The following TARDBP variants were observed in gnomAD, a reference collection of about 807,000 sequenced individuals.
TARDBP encodes TAR DNA binding protein.
In TARDBP, 4 loss-of-function variants were observed where a neutral mutation model predicts 38.3. The observed-to-expected ratio is 0.10, with a 90% CI of 0.05 to 0.24. The LOEUF is 0.24. Ranked by LOEUF, TARDBP falls within the 10% of genes least tolerant of loss-of-function variation. The pLI, the probability that TARDBP is intolerant of heterozygous loss-of-function variation, is 1.00. For missense variants in TARDBP, 202 were observed against 521.9 expected, an observed-to-expected ratio of 0.39 and a Z score of 5.97; for synonymous variants, 184 against 183.8, an observed-to-expected ratio of 1.00 and a Z score of -0.01.
chr1:11,019,017 T>C, intron 4 of TARDBP, 144 bp downstream of exon 4: 1 of 1,070,734 alleles, frequency 9.3e-7, no homozygotes, highest in Non-Finnish European at 1.4e-6. Flanking sequence ...TGGCCCTTAG[T>C]GCATGCTGAA....
chr1:11,018,673 T>A, intron 3 of TARDBP, 60 bp from the exon 4 acceptor site: 1 of 1,611,344 alleles, frequency 6.2e-7, no homozygotes, highest in Non-Finnish European at 8.5e-7. Flanking sequence ...GAACTATGAT[T>A]TGGGAATGGA....
intron 2 of TARDBP, 30 bp from the exon 3 acceptor site, chr1:11,016,814 T>A: frequency 6.2e-7 from 1 of 1,611,596 alleles, no homozygotes; most frequent in East Asian, 2.2e-5. Context: ...AAGTGAAGAT[T>A]TCTAAAAGGT....
chr1:11,014,044 T>C (rs1643467442), intron 2 of TARDBP, 79 bp downstream of exon 2: 1 of 1,419,170 alleles, frequency 7.0e-7, no homozygotes, highest in Non-Finnish European at 1.0e-6. Flanking sequence ...TAGCCTCTTT[T>C]GGTGGCAGAA....
chr1:11,014,105 G>C, intron 2 of TARDBP, 140 bp downstream of exon 2: 1 of 860,948 alleles, frequency 1.2e-6, no homozygotes, highest in Non-Finnish European at 2.0e-6. Flanking sequence ...AGACAAGTTT[G>C]GAAGACCACG....
At chr1:11,020,274 A>G (rs1344258633) in intron 4 of TARDBP, among the ~76,000 whole-genome samples, 155 bp from the exon 5 acceptor site, 1 of 152,236 alleles carries the variant, frequency 6.6e-6, no homozygotes, top group Non-Finnish European at 1.5e-5. Flanking sequence ...CTTACAAGAA[A>G]AAGAAATGCT....
chr1:11,020,949 C>G (rs1043009276), intron 5 of TARDBP, among the ~76,000 whole-genome samples: 2 of 152,054 alleles, frequency 1.3e-5, no homozygotes, highest in Non-Finnish European at 2.9e-5. Flanking sequence ...TAGGTAATTT[C>G]TCTTGAACAT....
chr1:11,021,850 C>T (rs903639063), intron 5 of TARDBP, among the ~76,000 whole-genome samples: 2 of 152,140 alleles, frequency 1.3e-5, no homozygotes, highest in African/African-American at 4.8e-5. Flanking sequence ...CTATTGGCCT[C>T]ACACAGTCCT....
rs1348118003 is a variant in TARDBP, at chr1:11,024,220, T to G, written c.*1566T>G. On this transcript the variant is annotated 3_prime_UTR_variant, in exon 6 of 6. Coordinates refer to ENST00000240185, the MANE Select transcript of TARDBP (RefSeq NM_007375.4). ...AATGGATTCATCACCTGTCATGCAT[T>G]GACACCTGATACCCAGACTTAATTG... is the stretch of plus-strand genomic sequence containing the variant. 1 of 152,636 alleles carries G rather than the reference T, an allele frequency of 6.6e-6. No homozygotes were observed. The highest frequency in any genetic ancestry group is 1.5e-5 in the Non-Finnish European group (1 of 68,040). The allele number at this position is 152,636 out of a possible 1,614,324, so 9.5% of individuals were successfully genotyped here.
At chr1:11,018,426 C>G in intron 3 of TARDBP, 1 of 395,564 alleles carries the variant, frequency 2.5e-6, no homozygotes, top group East Asian at 5.9e-5. Flanking sequence ...TGTGCTCAAG[C>G]GATCCACCCT....
Position 11,019,086 on chromosome 1 carries a change from A to G in TARDBP, c.543+213A>G, listed in dbSNP as rs573879404. 70 of 629,950 alleles carry G rather than the reference A, an allele frequency of 1.1e-4. No homozygotes were observed. The East Asian group carries it at 2.0e-3, about 18-fold the overall frequency. The allele number at this position is 629,950 out of a possible 1,614,324, so 39.0% of individuals were successfully genotyped here. ...ACTTCTCCAAACTAAACCTTTGTTC[A>G]TTTTGTTCTTCCTTTTCGCTATGGA... On this transcript the variant is annotated intron_variant, in intron 4 of 5. Coordinates refer to ENST00000240185, the MANE Select transcript of TARDBP (RefSeq NM_007375.4).
At chr1:11,014,596 A>G (rs111604516) in intron 2 of TARDBP, among the ~76,000 whole-genome samples, 76 of 152,320 alleles carry the variant, frequency 5.0e-4, no homozygotes, top group African/African-American at 1.7e-3. Flanking sequence ...GTATTGCAAC[A>G]AAGTCCATCA....
At chr1:11,017,628 C>T (rs949668768) in intron 3 of TARDBP, among the ~76,000 whole-genome samples, 7 of 152,172 alleles carry the variant, frequency 4.6e-5, no homozygotes, top group Non-Finnish European at 8.8e-5. Context: ...CCTACTGTTG[C>T]ATGAAGGCTT....
intron 3 of TARDBP, 140 bp from the exon 4 acceptor site, chr1:11,018,593 T>A: frequency 9.0e-7 from 1 of 1,109,754 alleles, no homozygotes. Flanking sequence ...TTGTTTTTAC[T>A]GTTAAGACTA....
At chr1:11,013,072 G>T (rs1485371913) in intron 1 of TARDBP, among the ~76,000 whole-genome samples, 2 of 152,318 alleles carry the variant, frequency 1.3e-5, no homozygotes, top group Middle Eastern at 3.4e-3. Context: ...GCCCCACCCC[G>T]GGCCGCGCCG....
At chr1:11,017,138 C>G in intron 3 of TARDBP, 131 bp downstream of exon 3, 1 of 968,758 alleles carries the variant, frequency 1.0e-6, no homozygotes, top group Non-Finnish European at 1.6e-6. Flanking sequence ...TGGGCCCATA[C>G]TGTCCTCCTG....
chr1:11,026,098 AT>A (rs1285009530), downstream of TARDBP: 1 of 154,804 alleles, frequency 6.5e-6, no homozygotes, highest in Non-Finnish European at 1.5e-5. Context: ...GAATTTGAAC[AT>A]TATTCAGGTT....
rs188129567 is a variant in TARDBP, at chr1:11,024,569, T to C, written c.*1915T>C. 2 of 152,722 alleles carry C rather than the reference T, an allele frequency of 1.3e-5. No individual in the cohort carries two copies. Among genetic ancestry groups the C allele is most frequent in the African/African-American group, 4.8e-5 (2 of 41,554 alleles). 9.5% of individuals were successfully genotyped at this position (152,722 alleles called of 1,614,324 possible). ...ATTTGAAAAGTGGAATTAATTGCAGTAGGGATAAAGTAGAAGAAACCACAA... is the reference window on the plus strand; with the variant it reads ...ATTTGAAAAGTGGAATTAATTGCAGCAGGGATAAAGTAGAAGAAACCACAA... On this transcript the variant is annotated 3_prime_UTR_variant, in exon 6 of 6. Coordinates refer to ENST00000240185, the MANE Select transcript of TARDBP (RefSeq NM_007375.4).
chr1:11,023,017 A>G lies in TARDBP; in HGVS notation c.*363A>G. 7.0e-7 allele frequency: 1 copy of G among 1,426,284 alleles called. No individual in the cohort carries two copies. The highest frequency in any genetic ancestry group is 9.2e-7 in the Non-Finnish European group (1 of 1,088,004). The allele number at this position is 1,426,284 out of a possible 1,614,324, so 88.4% of individuals were successfully genotyped here. A position where few individuals can be genotyped will look rare whatever the true frequency, so the allele number is the denominator to read the frequency against. The stretch of plus-strand genomic sequence containing the variant: ...AAAACGGAAACCATTGATTAGAACT[A>G]CATTCTTTACCCCTTGTTTTAATTT... On this transcript the variant is annotated 3_prime_UTR_variant, in exon 6 of 6. Transcript: ENST00000240185.
rs1251474943 is a variant in TARDBP at position 11,025,017 on chromosome 1, T to C, written c.*2363T>C. On this transcript the variant is annotated 3_prime_UTR_variant, in exon 6 of 6. Coordinates refer to ENST00000240185, the MANE Select transcript of TARDBP (RefSeq NM_007375.4). ...CATTGTTTCATTATTCAGTTTCCTC[T>C]GTAAAGGGATCTTGAGTTGTTTTAA... is the stretch of plus-strand genomic sequence containing the variant. 1 of 152,670 alleles carries C rather than the reference T, an allele frequency of 6.6e-6. No individual in the cohort carries two copies. The highest frequency in any genetic ancestry group is 1.5e-5 in the Non-Finnish European group (1 of 68,044). The allele number at this position is 152,670 out of a possible 1,614,324, so 9.5% of individuals were successfully genotyped here.
Sources: gnomAD v4.1 joint callset for allele counts (sites outside exome capture counted in the v4.1 genomes callset) on GRCh38, gnomAD v4.1.1 for gene constraint, MANE v1.5 for transcripts, NCBI Gene and HGNC (gene_info 2026-07-23, HGNC 2026-07-21) for gene names.